Variants in BTBD7 observed in about 807,000 individuals in gnomAD.
BTBD7 encodes BTB/POZ domain-containing protein 7.
A neutral mutation model predicts 99.9 loss-of-function variants in BTBD7; 38 were observed. The observed-to-expected ratio is 0.38, with a 90% CI of 0.29 to 0.50. The LOEUF (loss-of-function observed/expected upper bound fraction) is 0.50. Ranked by LOEUF, BTBD7 falls within the 20% of genes least tolerant of loss-of-function variation. The pLI, the probability that BTBD7 is intolerant of heterozygous loss-of-function variation, is 0.93. For missense variants in BTBD7, 1,170 were observed against 1,394.6 expected (o/e 0.84, Z 2.57); for synonymous variants, 520 against 511.4 (o/e 1.02, Z -0.23).
chr14:93,302,928 GT>G (rs2053022178), intron 1 of BTBD7, among the ~76,000 whole-genome samples: 1 of 151,614 alleles, frequency 6.6e-6, no homozygotes, highest in Admixed American at 6.6e-5. Flanking sequence ...CAAGAGGATC[GT>G]TTGAGGCCTA....
At chr14:93,329,238 T>A (rs997057780) in intron 1 of BTBD7, among the ~76,000 whole-genome samples, 7 of 151,542 alleles carry the variant, frequency 4.6e-5, no homozygotes, top group Non-Finnish European at 1.0e-4. Context: ...TCTAAAAAAA[T>A]ACAAAAGATC....
At chr14:93,322,943 C>T (rs187742876) in intron 1 of BTBD7, among the ~76,000 whole-genome samples, 1 of 152,086 alleles carries the variant, frequency 6.6e-6, no homozygotes, top group East Asian at 1.9e-4. Flanking sequence ...CACAGCAGGA[C>T]CCCATCTCTA....
chr14:93,289,610 T>C (rs1381695279), intron 3 of BTBD7, among the ~76,000 whole-genome samples: 5 of 152,232 alleles, frequency 3.3e-5, no homozygotes, highest in Non-Finnish European at 4.4e-5. Context: ...CTTTGTCTCT[T>C]TGTCCTTGAG....
At chr14:93,278,792 T>G (rs1023445240) in intron 3 of BTBD7, among the ~76,000 whole-genome samples, 1 of 152,210 alleles carries the variant, frequency 6.6e-6, no homozygotes, top group Non-Finnish European at 1.5e-5. Flanking sequence ...CTTTCAAGTT[T>G]CTGTCCCTTT....
intron 1 of BTBD7, among the ~76,000 whole-genome samples, chr14:93,296,802 C>A (rs1316104309): frequency 6.6e-6 from 1 of 151,908 alleles, no homozygotes; most frequent in African/African-American, 2.4e-5. Context: ...CCCCATAAAG[C>A]CCTGAAAAAA....
intron 1 of BTBD7, among the ~76,000 whole-genome samples, chr14:93,317,720 T>C (rs1595340432): frequency 6.6e-6 from 1 of 152,360 alleles, no homozygotes; most frequent in South Asian, 2.1e-4. Context: ...AATTGGATTT[T>C]GGGAGTGTTC....
chr14:93,328,778 C>T (rs1156270029), intron 1 of BTBD7, among the ~76,000 whole-genome samples: 2 of 151,880 alleles, frequency 1.3e-5, no homozygotes, highest in Admixed American at 6.6e-5. Flanking sequence ...CTTAGCCAGG[C>T]GTGGATGTAC....
intron 7 of BTBD7, among the ~76,000 whole-genome samples, chr14:93,253,255 A>G (rs2052388619): frequency 6.6e-6 from 1 of 152,178 alleles, no homozygotes; most frequent in African/African-American, 2.4e-5. Context: ...ATGTTACAAG[A>G]GGTCGTGGCA....
At chr14:93,281,497 A>G (rs533533652) in intron 3 of BTBD7, among the ~76,000 whole-genome samples, 2 of 152,116 alleles carry the variant, frequency 1.3e-5, no homozygotes, top group Non-Finnish European at 2.9e-5. Flanking sequence ...TAGTTCTTAA[A>G]CACTTTTAGT....
At chr14:93,312,297 C>G (rs1419259428) in intron 1 of BTBD7, among the ~76,000 whole-genome samples, 1 of 152,168 alleles carries the variant, frequency 6.6e-6, no homozygotes, top group Non-Finnish European at 1.5e-5. Flanking sequence ...CACTCTCAGT[C>G]TTAGTTCTAC....
At position 93,313,679 on chromosome 14, in the gene BTBD7, T is replaced by A. The variant is rs545079237; in HGVS notation, c.-106-17522A>T. 2.1e-3 allele frequency among the ~76,000 whole-genome samples: 301 copies of A among 145,530 alleles called. 2 individuals carry two copies. The highest frequency in any genetic ancestry group is 7.3e-3 in the African/African-American group (288 of 39,200). ...TTTTTGACTTATCCTAAAATGAAAC[T>A]ACACACACACACACACACACACACA... On this transcript the variant is annotated intron_variant, in intron 1 of 10. Transcript: ENST00000334746.
chr14:93,262,282 G>A (rs994231039), intron 4 of BTBD7, among the ~76,000 whole-genome samples: 4 of 151,942 alleles, frequency 2.6e-5, no homozygotes, highest in Non-Finnish European at 5.9e-5. Context: ...ACAGGCGCCC[G>A]CCACCACGCC....
chr14:93,263,695 C>A, intron 4 of BTBD7, 90 bp downstream of exon 4: 1 of 1,250,262 alleles, frequency 8.0e-7, no homozygotes, highest in Non-Finnish European at 1.1e-6. Context: ...TCTTCCCCTG[C>A]CCTACCCTAG....
At chr14:93,286,922 A>G (rs150367808) in intron 3 of BTBD7, among the ~76,000 whole-genome samples, 18 of 152,220 alleles carry the variant, frequency 1.2e-4, no homozygotes, top group Non-Finnish European at 2.5e-4. Context: ...ATGGGCACTG[A>G]TGTCATATCT....
At chr14:93,261,553 A>G in intron 5 of BTBD7, 49 bp downstream of exon 5, 1 of 1,411,264 alleles carries the variant, frequency 7.1e-7, no homozygotes, top group South Asian at 1.2e-5. Flanking sequence ...TATAAGAACC[A>G]CCAAATTTTA....
At chr14:93,326,001 T>C (rs1398789687) in intron 1 of BTBD7, among the ~76,000 whole-genome samples, 1 of 152,176 alleles carries the variant, frequency 6.6e-6, no homozygotes, top group African/African-American at 2.4e-5. Context: ...AAAGATTCAA[T>C]TTGTGATGTC....
intron 3 of BTBD7, among the ~76,000 whole-genome samples, chr14:93,274,471 G>A (rs759949504): frequency 3.3e-5 from 5 of 152,184 alleles, no homozygotes; most frequent in Non-Finnish European, 5.9e-5. Flanking sequence ...CACCCTATTG[G>A]AAACACTTTT....
At chr14:93,261,450 T>C in intron 5 of BTBD7, 152 bp downstream of exon 5, 1 of 700,070 alleles carries the variant, frequency 1.4e-6, no homozygotes, top group Non-Finnish European at 2.5e-6. Flanking sequence ...AACTATACCC[T>C]GTCCACTAAA....
intron 3 of BTBD7, among the ~76,000 whole-genome samples, chr14:93,282,938 G>A (rs533415831): frequency 6.6e-6 from 1 of 152,322 alleles, no homozygotes; most frequent in East Asian, 1.9e-4. Flanking sequence ...ACATATCTCA[G>A]TAATTCAAGA....
Sources: gnomAD v4.1 joint callset for allele counts (sites outside exome capture counted in the v4.1 genomes callset) on GRCh38, gnomAD v4.1.1 for gene constraint, MANE v1.5 for transcripts, NCBI Gene and HGNC (gene_info 2026-07-23, HGNC 2026-07-21) for gene names.